MRE11: variants seen among roughly 807,000 people sequenced by gnomAD.
The protein encoded by MRE11 is MRE11 double strand break repair nuclease, also known as double-strand break repair protein MRE11.
In MRE11, 62 loss-of-function variants were observed where a neutral mutation model predicts 91.7. The observed-to-expected ratio is 0.68, with a 90% confidence interval of 0.55 to 0.84. The LOEUF is 0.84. Among genes scored for constraint, MRE11 ranks in the 40% least tolerant of loss-of-function variants. The pLI, the probability that MRE11 is intolerant of heterozygous loss-of-function variation, is 0.00. For synonymous variants in MRE11, 273 were observed against 271.4 expected (o/e 1.01, Z -0.06); for missense variants, 796 against 852.9 (o/e 0.93, Z 0.83).
At chr11:94,469,265 C>G (rs1946646464) in intron 9 of MRE11, among the ~76,000 whole-genome samples, 1 of 152,128 alleles carries the variant, frequency 6.6e-6, no homozygotes, top group African/African-American at 2.4e-5. Flanking sequence ...TTGGCAAGGT[C>G]TGTAAACATT....
chr11:94,443,256 G>A lies in MRE11; in HGVS notation c.1867+2554C>T, dbSNP rs1004608994. 8.5e-5 allele frequency among the ~76,000 whole-genome samples: 13 copies of A among 152,248 alleles called. 1 individual carries two copies. In the East Asian group the frequency reaches 2.5e-3, roughly 29 times the overall value. ...GTAGCTAGGTCTCTAATCTTACCTT[G>A]CTCTGGAAACTAGTACAGTGGTCAA... On this transcript the variant is annotated intron_variant, in intron 16 of 19. Coordinates refer to ENST00000323929, the MANE Select transcript of MRE11 (RefSeq NM_005591.4).
At position 94,428,328 on chromosome 11, in the gene MRE11, C is replaced by T. The variant is rs149463214; in HGVS notation, c.2070+1583G>A. Among the ~76,000 whole-genome samples, 381 of 152,186 alleles carry T rather than the reference C, an allele frequency of 2.5e-3. 2 individuals carry two copies. The highest frequency in any genetic ancestry group is 8.8e-3 in the African/African-American group (364 of 41,518). On this transcript the variant is annotated intron_variant, in intron 19 of 19. Transcript: ENST00000323929. ...ATTCAATAAATGGTGCTAGGATAAC[C>T]GGCTAGCAATGTGCAGAAGAAAATG...
rs534673718 is a variant in MRE11, at chr11:94,468,018, T to C, written c.1018-125A>G. ...TCATCTTTATTTCCTAGGTCATTTA[T>C]GACACCTTTTCAAATATACCTTCTT... On this transcript the variant is annotated intron_variant, in intron 9 of 19. Transcript: ENST00000323929. 31 of 733,534 alleles carry C rather than the reference T, an allele frequency of 4.2e-5. No individual in the cohort carries two copies. In the Admixed American group the frequency reaches 5.2e-4, roughly 12 times the overall value. 45.4% of individuals were successfully genotyped at this position (733,534 alleles called of 1,614,324 possible). A position where few individuals can be genotyped will look rare whatever the true frequency, so the allele number is the denominator to read the frequency against.
the MRE11 span, among the ~76,000 whole-genome samples, chr11:94,510,266 A>C: frequency 3.9e-5 from 6 of 152,258 alleles, no homozygotes; most frequent in Admixed American, 3.3e-4. Flanking sequence ...TAAGTTGTCA[A>C]ATTTACTAGC....
chr11:94,510,434 T>C, the MRE11 span, among the ~76,000 whole-genome samples: 1 of 152,228 alleles, frequency 6.6e-6, no homozygotes, highest in African/African-American at 2.4e-5. Flanking sequence ...TCTTTAAAAA[T>C]AGTTTCACTT....
intron 13 of MRE11, among the ~76,000 whole-genome samples, chr11:94,457,229 T>C (rs13447679): frequency 3.9e-5 from 6 of 152,162 alleles, no homozygotes; most frequent in African/African-American, 1.2e-4. Flanking sequence ...AGATGTAAGA[T>C]AGAAAACTGA....
At chr11:94,491,392 A>G (rs1266596305) in intron 2 of MRE11, among the ~76,000 whole-genome samples, 4 of 152,202 alleles carry the variant, frequency 2.6e-5, no homozygotes, top group Non-Finnish European at 5.9e-5. Context: ...CTAATATGCA[A>G]TAATTTACAT....
chr11:94,468,998 C>T (rs183797605), intron 9 of MRE11, among the ~76,000 whole-genome samples: 1 of 152,140 alleles, frequency 6.6e-6, no homozygotes, highest in African/African-American at 2.4e-5. Flanking sequence ...TGGGTCCTGT[C>T]CTCAAAGAGT....
At chr11:94,444,400 CGTTCTG>C (rs1565210543) in intron 16 of MRE11, among the ~76,000 whole-genome samples, 19 of 41,862 alleles carry the variant, frequency 4.5e-4, no homozygotes, top group African/African-American at 1.8e-3. Flanking sequence ...GTTCTGTTTT[CGTTCTG>C]TTTTCTTTTG....
At chr11:94,424,395 G>A (rs1273693596) in intron 19 of MRE11, among the ~76,000 whole-genome samples, 1 of 152,112 alleles carries the variant, frequency 6.6e-6, no homozygotes, top group East Asian at 1.9e-4. Context: ...AGGAACAATA[G>A]CCCTCTAACA....
At chr11:94,496,481 G>A, upstream of MRE11, 1 of 480,108 alleles carries the variant, frequency 2.1e-6, no homozygotes, top group South Asian at 3.5e-5. Context: ...GTATGTAAGG[G>A]ATATCATGAG....
intron 10 of MRE11, among the ~76,000 whole-genome samples, chr11:94,467,508 C>T (rs1368223865): frequency 6.6e-6 from 1 of 151,876 alleles, no homozygotes; most frequent in Non-Finnish European, 1.5e-5. Context: ...CAAGAAACTG[C>T]GAGAAGGCCA....
chr11:94,429,967 T>C lies in MRE11; in HGVS notation c.2014A>G (p.Ser672Gly), dbSNP rs1416548294. ...ACTTGACTCTGGGACATGATTTTGC[T>C]GGATGATGTGCTGGACCACCTGAGG... ...TDQRWSSTSS[S>G]KIMSQSQVSK... Residue 672 changes from serine (S) to glycine (G), a missense_variant, in exon 19 of 20, where the codon AGC (serine) becomes GGC (glycine). Ser to Gly is a moderately conservative substitution (Grantham distance 56). Transcript: ENST00000323929. The C allele has an allele frequency of 6.2e-7, 1 of 1,614,120 alleles. No homozygotes were observed. The highest frequency in any genetic ancestry group is 1.1e-5 in the South Asian group (1 of 91,082).
chr11:94,474,272 T>C (rs1269399652), intron 7 of MRE11, among the ~76,000 whole-genome samples: 1 of 151,988 alleles, frequency 6.6e-6, no homozygotes, highest in Non-Finnish European at 1.5e-5. Context: ...GCCTAGACCA[T>C]CTTGAGGTGC....
rs148683667 is a variant in MRE11 at position 94,444,283 on chromosome 11, C to T, written c.1867+1527G>A. On this transcript the variant is annotated intron_variant, in intron 16 of 19. Coordinates refer to ENST00000323929, the MANE Select transcript of MRE11 (RefSeq NM_005591.4). Reference sequence around the variant, plus strand: ...TGACAGTCTCCTTGAAATATAATTCCAAAGAGGAGTACAGTATCCTTGGCA... The same window carrying T: ...TGACAGTCTCCTTGAAATATAATTCTAAAGAGGAGTACAGTATCCTTGGCA... Among the ~76,000 whole-genome samples the T allele has an allele frequency of 3.4e-4, 51 of 152,170 alleles. 1 individual carries two copies. The East Asian group carries it at 9.1e-3, about 27-fold the overall frequency.
chr11:94,498,502 A>G (rs537960631), upstream of MRE11: 2 of 1,613,520 alleles, frequency 1.2e-6, no homozygotes, highest in South Asian at 2.2e-5. Context: ...AAATTGTGGA[A>G]GGCTGTACAA....
At chr11:94,434,245 T>C (rs28687182) in intron 18 of MRE11, among the ~76,000 whole-genome samples, 1 of 152,150 alleles carries the variant, frequency 6.6e-6, no homozygotes, top group Admixed American at 6.5e-5. Context: ...TAAGTGAACG[T>C]GGAACTATAC....
intron 2 of MRE11, among the ~76,000 whole-genome samples, chr11:94,492,037 G>A (rs1947296949): frequency 6.6e-6 from 1 of 152,140 alleles, no homozygotes; most frequent in African/African-American, 2.4e-5. Context: ...TTGAGGCAAG[G>A]CTCAGAGAAC....
chr11:94,498,433 C>G (rs769910387), upstream of MRE11: 2 of 1,613,768 alleles, frequency 1.2e-6, no homozygotes, highest in Non-Finnish European at 1.7e-6. Flanking sequence ...TGAAAAACAA[C>G]TTGGAAGAAA....
Sources: allele counts gnomAD v4.1 joint callset (sites outside exome capture counted in the v4.1 genomes callset), GRCh38; gene constraint gnomAD v4.1.1; transcripts MANE v1.5; gene names NCBI Gene and HGNC (gene_info 2026-07-23, HGNC 2026-07-21).